CYP2J2: variants seen among roughly 807,000 people sequenced by gnomAD.
The protein encoded by CYP2J2 is cytochrome P450 2J2.
CYP2J2 carries 41 observed loss-of-function variants against 48.8 expected under a neutral mutation model. That is an observed-to-expected ratio of 0.84 (90% CI 0.66 to 1.09). The LOEUF (loss-of-function observed/expected upper bound fraction) is 1.09. Ranked by LOEUF, CYP2J2 falls within the 50% of genes least tolerant of loss-of-function variation. The pLI is 0.00. For synonymous variants in CYP2J2, 221 were observed against 227.1 expected (o/e 0.97, Z 0.24); for missense variants, 644 against 617.3 (o/e 1.04, Z -0.46).
At chr1:59,911,499 G>A (rs1013282941) in intron 4 of CYP2J2, 109 bp downstream of exon 4, 14 of 724,920 alleles carry the variant, frequency 1.9e-5, no homozygotes, top group Non-Finnish European at 3.1e-5. Flanking sequence ...GTTTTGAAAG[G>A]TTATATTTTA....
the CYP2J2 span, among the ~76,000 whole-genome samples, chr1:59,941,537 A>T: frequency 1.3e-5 from 2 of 152,206 alleles, no homozygotes; most frequent in Non-Finnish European, 2.9e-5. Flanking sequence ...ACTTATTGAA[A>T]AAAAGTTAAC....
chr1:59,955,459 A>G, the CYP2J2 span, among the ~76,000 whole-genome samples: 2 of 151,990 alleles, frequency 1.3e-5, no homozygotes, highest in South Asian at 2.1e-4. Flanking sequence ...AGAATCATCA[A>G]TGGATGCTTA....
At chr1:59,937,428 G>GA in the CYP2J2 span, among the ~76,000 whole-genome samples, 17,627 of 141,830 alleles carry the variant, frequency 0.12, 1,182 homozygotes, top group Admixed American at 0.18. Context: ...ATTACTAAAA[G>GA]AAAAAAAAAA....
chr1:59,908,764 A>C (rs759517526), intron 5 of CYP2J2, among the ~76,000 whole-genome samples: 2 of 152,240 alleles, frequency 1.3e-5, no homozygotes, highest in African/African-American at 2.4e-5. Context: ...GTATTGATGC[A>C]GTGATATGTG....
chr1:59,952,196 G>T, the CYP2J2 span, among the ~76,000 whole-genome samples: 25 of 152,202 alleles, frequency 1.6e-4, no homozygotes, highest in African/African-American at 5.8e-4. Flanking sequence ...TCATCAGAAG[G>T]GCTTCCCATG....
intron 8 of CYP2J2, among the ~76,000 whole-genome samples, chr1:59,894,546 T>C (rs1644252542): frequency 6.6e-6 from 1 of 152,184 alleles, no homozygotes; most frequent in African/African-American, 2.4e-5. Context: ...AGAGATTCAA[T>C]TCAGCTTCTC....
the CYP2J2 span, among the ~76,000 whole-genome samples, chr1:59,935,017 T>TAC: frequency 6.2e-3 from 204 of 33,130 alleles, no homozygotes; most frequent in Non-Finnish European, 9.8e-3. Flanking sequence ...TATATATACA[T>TAC]ATATATATAT....
chr1:59,966,644 T>C, the CYP2J2 span, among the ~76,000 whole-genome samples: 2 of 152,120 alleles, frequency 1.3e-5, 1 homozygote, highest in Non-Finnish European at 2.9e-5. Flanking sequence ...GTAGGTTTTA[T>C]GAGAAAAAAT....
At chr1:59,918,070 A>T (rs919583092) in intron 1 of CYP2J2, among the ~76,000 whole-genome samples, 7 of 152,158 alleles carry the variant, frequency 4.6e-5, no homozygotes, top group Non-Finnish European at 1.0e-4. Context: ...CCTACACAGC[A>T]TGTCCTGTCT....
chr1:59,898,089 A>C (rs966282247), intron 8 of CYP2J2, among the ~76,000 whole-genome samples: 4 of 152,168 alleles, frequency 2.6e-5, no homozygotes, highest in African/African-American at 9.7e-5. Context: ...TCAGAAAGAG[A>C]GATGGTAAGA....
At chr1:59,905,114 G>A (rs1332442282) in intron 6 of CYP2J2, 56 bp from the exon 7 acceptor site, 6 of 1,542,596 alleles carry the variant, frequency 3.9e-6, no homozygotes, top group Non-Finnish European at 5.3e-6. Context: ...TTATTATAAA[G>A]AGGTATGAGT....
chr1:59,937,631 A>C, the CYP2J2 span, among the ~76,000 whole-genome samples: 1 of 152,008 alleles, frequency 6.6e-6, no homozygotes, highest in African/African-American at 2.4e-5. Context: ...GCTCTTTGTT[A>C]TTATCCCTTT....
intron 3 of CYP2J2, 79 bp downstream of exon 3, chr1:59,912,083 G>A (rs568997524): frequency 7.1e-7 from 1 of 1,405,242 alleles, no homozygotes; most frequent in Admixed American, 2.2e-5. Flanking sequence ...CATAGAACAA[G>A]CACTTACTCA....
At chr1:59,961,925 T>C in the CYP2J2 span, among the ~76,000 whole-genome samples, 1 of 151,872 alleles carries the variant, frequency 6.6e-6, no homozygotes, top group Non-Finnish European at 1.5e-5. Flanking sequence ...TGCTTTTATA[T>C]GAAACTTCCA....
chr1:59,968,811 A>T, the CYP2J2 span, among the ~76,000 whole-genome samples: 1 of 152,118 alleles, frequency 6.6e-6, no homozygotes, highest in African/African-American at 2.4e-5. Context: ...ATGTGTCTCG[A>T]ATTGGTGGGT....
rs150989362 is a variant in CYP2J2, at chr1:59,910,676, G to T, written c.685-716C>A. On this transcript the variant is annotated intron_variant, in intron 4 of 8. Coordinates refer to ENST00000371204, the MANE Select transcript of CYP2J2 (RefSeq NM_000775.4). The stretch of plus-strand genomic sequence containing the variant: ...TAAGCACACATACATACAAATCAAG[G>T]TAGTGAGGTAGTTTCCAGGATAAGG... 5.6e-3 allele frequency among the ~76,000 whole-genome samples: 852 copies of T among 152,212 alleles called. 7 individuals are homozygous for T. Among genetic ancestry groups the T allele is most frequent in the African/African-American group, 0.02 (818 of 41,522 alleles).
intron 5 of CYP2J2, 67 bp from the exon 6 acceptor site, chr1:59,907,994 A>C (rs2271800): frequency 0.17 from 253,929 of 1,498,338 alleles, 25,736 homozygotes; most frequent in African/African-American, 0.48. Flanking sequence ...CCGTAACACA[A>C]AGGGGCTTCA....
intron 5 of CYP2J2, among the ~76,000 whole-genome samples, chr1:59,909,400 G>A (rs1644391691): frequency 6.6e-6 from 1 of 152,170 alleles, no homozygotes; most frequent in Non-Finnish European, 1.5e-5. Flanking sequence ...GTCTTTATTA[G>A]AGGTAAATAA....
At chr1:59,897,356 G>T (rs546560563) in intron 8 of CYP2J2, among the ~76,000 whole-genome samples, 1 of 152,104 alleles carries the variant, frequency 6.6e-6, no homozygotes, top group Non-Finnish European at 1.5e-5. Context: ...ATTCATTCTC[G>T]CAAAACTAAA....
Sources: gnomAD v4.1 joint callset for allele counts (sites outside exome capture counted in the v4.1 genomes callset) on GRCh38, gnomAD v4.1.1 for gene constraint, MANE v1.5 for transcripts, NCBI Gene and HGNC (gene_info 2026-07-23, HGNC 2026-07-21) for gene names.